ZNF83: variants seen among roughly 807,000 people sequenced by gnomAD.
The protein encoded by ZNF83 is zinc finger protein 816B.
For missense variants in ZNF83, 552 were observed against 629.9 expected (o/e 0.88, Z 1.32); for synonymous variants, 209 against 213.0 (o/e 0.98, Z 0.17).
intron 1 of ZNF83, among the ~76,000 whole-genome samples, chr19:52,676,042 G>A (rs531414917): frequency 6.6e-6 from 1 of 152,018 alleles, no homozygotes. Flanking sequence ...TACAGCTCTC[G>A]CTCTCCCTCT....
intron 2 of ZNF83, among the ~76,000 whole-genome samples, chr19:52,626,661 T>G (rs1032183592): frequency 1.3e-5 from 2 of 152,068 alleles, no homozygotes; most frequent in Admixed American, 6.6e-5. Context: ...ATGCTACTTT[T>G]AACAACCCCA....
intron 1 of ZNF83, among the ~76,000 whole-genome samples, chr19:52,669,472 C>G (rs1461437287): frequency 6.6e-6 from 1 of 152,160 alleles, no homozygotes; most frequent in Non-Finnish European, 1.5e-5. Flanking sequence ...CAATTAGGGG[C>G]TACCAGCCAG....
intron 3 of ZNF83, chr19:52,653,430 G>A (rs1410665538): frequency 2.5e-6 from 2 of 801,214 alleles, no homozygotes; most frequent in East Asian, 3.4e-5. Flanking sequence ...CTCTGTTATG[G>A]CGTGAAAGGC....
intron 2 of ZNF83, among the ~76,000 whole-genome samples, chr19:52,657,769 C>T (rs1291082554): frequency 6.6e-6 from 1 of 151,468 alleles, no homozygotes; most frequent in Non-Finnish European, 1.5e-5. Context: ...ATCGCTTGAA[C>T]CTGGGAGGTG....
intron 1 of ZNF83, among the ~76,000 whole-genome samples, chr19:52,681,214 C>T (rs1003414116): frequency 2.7e-4 from 37 of 135,840 alleles, no homozygotes; most frequent in Middle Eastern, 4.3e-3. Flanking sequence ...GCCCAGGAGA[C>T]GGAGGCTGCA....
chr19:52,678,801 C>T (rs1247003296), intron 1 of ZNF83, among the ~76,000 whole-genome samples: 2 of 151,914 alleles, frequency 1.3e-5, no homozygotes, highest in East Asian at 1.9e-4. Flanking sequence ...TAGTGAAAAC[C>T]TGTCTCTACT....
intron 1 of ZNF83, among the ~76,000 whole-genome samples, chr19:52,687,417 A>AATTTATATTATAATTTATATAGCT (rs2062039314): frequency 1.9e-5 from 1 of 52,558 alleles, no homozygotes; most frequent in African/African-American, 1.1e-4. Context: ...TATAAATTAT[A>AATTTATATTATAATTTATATAGCT]ATATAAATTA....
intron 3 of ZNF83, among the ~76,000 whole-genome samples, chr19:52,646,128 C>T (rs1219253660): frequency 6.6e-6 from 1 of 151,916 alleles, no homozygotes; most frequent in Non-Finnish European, 1.5e-5. Context: ...TTAGTAGAGA[C>T]CAGGTTGCAC....
intron 1 of ZNF83, among the ~76,000 whole-genome samples, chr19:52,683,703 TCTC>T (rs2061966667): frequency 6.6e-6 from 1 of 152,142 alleles, no homozygotes; most frequent in African/African-American, 2.4e-5. Context: ...AGAGAGGCCT[TCTC>T]CTCTTATTTT....
At chr19:52,622,695 C>T (rs1157332162) in intron 2 of ZNF83, among the ~76,000 whole-genome samples, 2 of 151,184 alleles carry the variant, frequency 1.3e-5, no homozygotes, top group Admixed American at 1.3e-4. Context: ...AATTCTGAGA[C>T]ACTTTACAGC....
intron 3 of ZNF83, chr19:52,652,910 T>C: frequency 8.8e-7 from 1 of 1,134,750 alleles, no homozygotes. Context: ...TTCTCTCCAC[T>C]ATGAAGTCTA....
chr19:52,689,345 G>C (rs997393041), intron 1 of ZNF83, among the ~76,000 whole-genome samples: 7 of 151,662 alleles, frequency 4.6e-5, no homozygotes. Context: ...CCATCTCAGC[G>C]CCTCCTCTGC....
exon 3 of ZNF83, chr19:52,613,388 T>C (rs2060175697): frequency 6.2e-7 from 1 of 1,613,562 alleles, no homozygotes; most frequent in African/African-American, 1.3e-5. Flanking sequence ...GTATGGATTC[T>C]GTGATGTTGT....
At chr19:52,620,932 G>T (rs1311068231) in intron 2 of ZNF83, among the ~76,000 whole-genome samples, 1 of 152,144 alleles carries the variant, frequency 6.6e-6, no homozygotes, top group East Asian at 1.9e-4. Context: ...GCTGACAATA[G>T]ATAACCACCT....
At chr19:52,671,230 T>C (rs2061720689) in intron 1 of ZNF83, among the ~76,000 whole-genome samples, 1 of 152,202 alleles carries the variant, frequency 6.6e-6, no homozygotes, top group African/African-American at 2.4e-5. Flanking sequence ...ACTCTTTACA[T>C]AGGAATTTGG....
intron 2 of ZNF83, among the ~76,000 whole-genome samples, chr19:52,619,888 A>C (rs2060470000): frequency 1.3e-5 from 2 of 152,092 alleles, no homozygotes; most frequent in Admixed American, 6.6e-5. Context: ...ATCTCAAAGA[A>C]AGAAAAAAAA....
upstream of ZNF83, among the ~76,000 whole-genome samples, chr19:52,642,629 TTTTA>T (rs1177858750): frequency 6.6e-6 from 1 of 152,182 alleles, no homozygotes; most frequent in African/African-American, 2.4e-5. Context: ...GCTTAGTAAT[TTTTA>T]TTTTTCTTTC....
chr19:52,682,076 G>A (rs2061931526), intron 1 of ZNF83, among the ~76,000 whole-genome samples: 2 of 152,132 alleles, frequency 1.3e-5, no homozygotes, highest in South Asian at 4.1e-4. Flanking sequence ...TTGAATTCCC[G>A]ACCTCATGAT....
At chr19:52,640,926 C>T (rs1030152002), upstream of ZNF83, among the ~76,000 whole-genome samples, 12 of 152,068 alleles carry the variant, frequency 7.9e-5, no homozygotes, top group Admixed American at 7.9e-4. Context: ...TATCACGGCA[C>T]ATCAGAACCA....
Sources: allele counts gnomAD v4.1 joint callset (sites outside exome capture counted in the v4.1 genomes callset), GRCh38; gene constraint gnomAD v4.1.1; transcripts MANE v1.5; gene names NCBI Gene and HGNC (gene_info 2026-07-23, HGNC 2026-07-21).